Variants in ARHGAP24 observed in about 807,000 individuals in gnomAD.
The protein encoded by ARHGAP24 is Rho GTPase activating protein 24.
In ARHGAP24, 50 loss-of-function variants were observed where a neutral mutation model predicts 76.4. That is an observed-to-expected ratio of 0.65 (90% CI 0.52 to 0.83). ARHGAP24 has a LOEUF of 0.83. Ranked by LOEUF, ARHGAP24 falls within the 40% of genes least tolerant of loss-of-function variation. The pLI is 0.00. For missense variants in ARHGAP24, 930 were observed against 914.2 expected (o/e 1.02, Z -0.22); for synonymous variants, 345 against 323.3 (o/e 1.07, Z -0.72).
chr4:85,857,739 A>T lies in ARHGAP24; in HGVS notation c.269-65909A>T, dbSNP rs144835772. Among the ~76,000 whole-genome samples, 16 of 152,308 alleles carry T rather than the reference A, an allele frequency of 1.1e-4. No homozygotes were observed. In the East Asian group the frequency reaches 3.1e-3, roughly 29 times the overall value. ...TTTCACTAATTTTGTGCTCTCTTCAATTGTAAGATATACAATATTAAGAGA... is the reference window on the plus strand; with the variant it reads ...TTTCACTAATTTTGTGCTCTCTTCATTTGTAAGATATACAATATTAAGAGA... On this transcript the variant is annotated intron_variant, in intron 3 of 9. Coordinates refer to ENST00000395184, the MANE Select transcript of ARHGAP24 (RefSeq NM_001025616.3).
rs184664982 is a variant in ARHGAP24, at chr4:85,965,294, C to T, written c.600-6742C>T. Among the ~76,000 whole-genome samples the T allele has an allele frequency of 1.9e-4, 29 of 152,138 alleles. No homozygotes were observed. In the East Asian group the frequency reaches 3.9e-3, roughly 20 times the overall value. ...TTAAAACCATCAGATCTCATGAGTC[C>T]CATTCACTATCATGAGAACAGCACA... On this transcript the variant is annotated intron_variant, in intron 5 of 9. Coordinates refer to ENST00000395184, the MANE Select transcript of ARHGAP24 (RefSeq NM_001025616.3).
chr4:85,775,482 T>G (rs928468410), intron 3 of ARHGAP24, among the ~76,000 whole-genome samples: 2 of 152,080 alleles, frequency 1.3e-5, no homozygotes, highest in African/African-American at 2.4e-5. Context: ...GCAGGCAAGA[T>G]AGAATGAGAA....
intron 3 of ARHGAP24, chr4:85,722,274 G>A (rs575781256): frequency 1.2e-4 from 38 of 329,394 alleles, no homozygotes; most frequent in Middle Eastern, 9.2e-4. Context: ...ATTTTACAGC[G>A]CTCTTGTGAT....
chr4:85,894,455 A>G (rs1370077992), intron 3 of ARHGAP24, among the ~76,000 whole-genome samples: 1 of 152,340 alleles, frequency 6.6e-6, no homozygotes, highest in East Asian at 1.9e-4. Flanking sequence ...CTTCTCCTCT[A>G]CAGCTTAATT....
At chr4:85,849,907 C>T (rs1382582594) in intron 3 of ARHGAP24, among the ~76,000 whole-genome samples, 1 of 152,044 alleles carries the variant, frequency 6.6e-6, no homozygotes, top group Non-Finnish European at 1.5e-5. Flanking sequence ...GTCTAAAATA[C>T]TCTTTTTTTC....
At chr4:85,651,108 A>G (rs1721925842) in intron 2 of ARHGAP24, among the ~76,000 whole-genome samples, 1 of 149,116 alleles carries the variant, frequency 6.7e-6, no homozygotes, top group South Asian at 2.1e-4. Context: ...TGAGGTGAAA[A>G]CAAGTTCGGT....
At chr4:85,658,534 T>C (rs1212234656) in intron 2 of ARHGAP24, among the ~76,000 whole-genome samples, 1 of 152,198 alleles carries the variant, frequency 6.6e-6, no homozygotes, top group Non-Finnish European at 1.5e-5. Context: ...GACTGTAGGA[T>C]CAAGTACACA....
chr4:85,679,801 A>G (rs1723133090), intron 2 of ARHGAP24, among the ~76,000 whole-genome samples: 1 of 152,120 alleles, frequency 6.6e-6, no homozygotes, highest in Non-Finnish European at 1.5e-5. Flanking sequence ...TTCCTCTGAG[A>G]GTCTCAATAG....
intron 2 of ARHGAP24, among the ~76,000 whole-genome samples, chr4:85,576,188 G>T (rs569873765): frequency 9.0e-4 from 108 of 119,600 alleles, no homozygotes; most frequent in African/African-American, 3.3e-3. Flanking sequence ...CCAGCACTTT[G>T]GGAGGCCGAG....
intron 3 of ARHGAP24, among the ~76,000 whole-genome samples, chr4:85,825,142 A>G (rs1485065227): frequency 6.6e-6 from 1 of 151,974 alleles, no homozygotes; most frequent in African/African-American, 2.4e-5. Context: ...GAAAAGAAAT[A>G]CCTTAGTGGG....
intron 3 of ARHGAP24, among the ~76,000 whole-genome samples, chr4:85,814,821 G>A (rs1028634730): frequency 2.0e-5 from 3 of 152,122 alleles, no homozygotes; most frequent in South Asian, 2.1e-4. Flanking sequence ...CTATGTGGGG[G>A]CTCCAACCCC....
At chr4:85,579,076 G>T (rs1396990060) in intron 2 of ARHGAP24, among the ~76,000 whole-genome samples, 4 of 151,986 alleles carry the variant, frequency 2.6e-5, no homozygotes, top group Non-Finnish European at 5.9e-5. Flanking sequence ...TTATCAAAAT[G>T]GTTATGATGA....
intron 1 of ARHGAP24, among the ~76,000 whole-genome samples, chr4:85,565,851 A>G (rs757869843): frequency 6.6e-6 from 1 of 152,166 alleles, no homozygotes; most frequent in Non-Finnish European, 1.5e-5. Context: ...ACATCTAAAT[A>G]TCTATGTGTG....
At chr4:85,897,457 T>C (rs1266038332) in intron 3 of ARHGAP24, among the ~76,000 whole-genome samples, 2 of 152,242 alleles carry the variant, frequency 1.3e-5, no homozygotes, top group Non-Finnish European at 2.9e-5. Flanking sequence ...TGTTAAGGCA[T>C]TATTTATTAT....
chr4:85,665,054 A>G (rs1722558586), intron 2 of ARHGAP24, among the ~76,000 whole-genome samples: 4 of 152,092 alleles, frequency 2.6e-5, no homozygotes, highest in South Asian at 2.1e-4. Flanking sequence ...GCTGAGTTCA[A>G]TTCCTGGATA....
intron 1 of ARHGAP24, among the ~76,000 whole-genome samples, chr4:85,482,050 T>C (rs539748208): frequency 7.0e-4 from 107 of 152,336 alleles, no homozygotes; most frequent in African/African-American, 2.5e-3. Context: ...TGTTTCATTT[T>C]GTTGGAACTA....
chr4:85,666,188 T>C (rs897714231), intron 2 of ARHGAP24, among the ~76,000 whole-genome samples: 4 of 152,320 alleles, frequency 2.6e-5, no homozygotes, highest in South Asian at 2.1e-4. Context: ...CACATAGTCC[T>C]GTATTTCTTG....
At chr4:85,702,025 T>C (rs1031522645) in intron 2 of ARHGAP24, among the ~76,000 whole-genome samples, 1 of 152,132 alleles carries the variant, frequency 6.6e-6, no homozygotes, top group Non-Finnish European at 1.5e-5. Context: ...CAACCCATGG[T>C]ACATATTTTT....
At chr4:85,591,333 A>G (rs1225632299) in intron 2 of ARHGAP24, among the ~76,000 whole-genome samples, 1 of 152,202 alleles carries the variant, frequency 6.6e-6, no homozygotes, top group East Asian at 1.9e-4. Flanking sequence ...GGCGTGAGCC[A>G]CCATGCCCGA....
Sources: allele counts gnomAD v4.1 joint callset (sites outside exome capture counted in the v4.1 genomes callset), GRCh38; gene constraint gnomAD v4.1.1; transcripts MANE v1.5; gene names NCBI Gene and HGNC (gene_info 2026-07-23, HGNC 2026-07-21).